PDXDC1: variants seen among roughly 807,000 people sequenced by gnomAD.
PDXDC1 encodes the protein pyridoxal-dependent decarboxylase domain-containing protein 1.
Under a neutral mutation model 100.1 loss-of-function variants are expected in PDXDC1, and 42 were observed. The ratio of observed to expected loss-of-function variants is 0.42; its 90% confidence interval spans 0.33 to 0.54. The LOEUF is 0.54. PDXDC1 is among the 20% of genes least tolerant of loss of function. The pLI is 0.10. For missense variants in PDXDC1, 636 were observed against 979.2 expected (o/e 0.65, Z 4.68); for synonymous variants, 260 against 371.7 (o/e 0.70, Z 3.46).
At chr16:15,094,157 G>A (rs780076230) in intron 16 of PDXDC1, 2 of 1,599,810 alleles carry the variant, frequency 1.3e-6, no homozygotes, top group Admixed American at 1.7e-5. Context: ...AGTCCTCGAC[G>A]CGCCCAGCTT....
chr16:15,093,945 T>A, intron 16 of PDXDC1: 1 of 603,896 alleles, frequency 1.7e-6, no homozygotes, highest in Non-Finnish European at 2.9e-6. Flanking sequence ...ACAGAGAACA[T>A]AGTCACTTTT....
intron 14 of PDXDC1, among the ~76,000 whole-genome samples, chr16:15,028,577 G>A (rs950490269): frequency 3.9e-5 from 6 of 152,296 alleles, no homozygotes; most frequent in African/African-American, 9.6e-5. Flanking sequence ...GACCTCGCAC[G>A]GTGCTTGGTA....
the PDXDC1 span, among the ~76,000 whole-genome samples, chr16:15,148,582 C>G: frequency 6.6e-6 from 1 of 151,156 alleles, no homozygotes; most frequent in Non-Finnish European, 1.5e-5. Flanking sequence ...CGGGGTCTCA[C>G]CCTGTTGCCC....
At chr16:15,128,166 G>C (rs559879546) in intron 16 of PDXDC1, 3 of 1,609,988 alleles carry the variant, frequency 1.9e-6, no homozygotes, top group Non-Finnish European at 1.7e-6. Flanking sequence ...GGTCAGGCTC[G>C]CAGGGCGCCC....
At chr16:14,990,576 A>G (rs1423125563) in intron 1 of PDXDC1, among the ~76,000 whole-genome samples, 4 of 152,284 alleles carry the variant, frequency 2.6e-5, no homozygotes, top group Admixed American at 1.3e-4. Flanking sequence ...AAACTGGATA[A>G]TACTTTATAT....
intron 8 of PDXDC1, among the ~76,000 whole-genome samples, chr16:15,015,621 G>A (rs2151486283): frequency 6.6e-6 from 1 of 152,364 alleles, no homozygotes; most frequent in Middle Eastern, 3.4e-3. Context: ...GGAGGCTGAG[G>A]CAAGGAGAAT....
At chr16:15,029,923 G>C in intron 15 of PDXDC1, 28 bp from the exon 16 acceptor site, 1 of 1,543,116 alleles carries the variant, frequency 6.5e-7, no homozygotes, top group Non-Finnish European at 8.8e-7. Context: ...CTTGTTACAG[G>C]AGGGTGTTCA....
At chr16:15,046,697 CAAAAAAAA>C (rs9331444) in intron 16 of PDXDC1, among the ~76,000 whole-genome samples, 9 of 43,620 alleles carry the variant, frequency 2.1e-4, no homozygotes, top group African/African-American at 6.8e-4. Context: ...CTGTCTCTAC[CAAAAAAAA>C]AAAAAAAAAA....
intron 1 of PDXDC1, among the ~76,000 whole-genome samples, chr16:14,987,478 A>G (rs1969643404): frequency 6.6e-6 from 1 of 152,302 alleles, no homozygotes; most frequent in African/African-American, 2.4e-5. Flanking sequence ...TAAGCAACCC[A>G]GTAAGTATTA....
intron 8 of PDXDC1, among the ~76,000 whole-genome samples, chr16:15,011,320 C>T (rs948640790): frequency 2.0e-5 from 3 of 152,274 alleles, no homozygotes; most frequent in Non-Finnish European, 4.4e-5. Flanking sequence ...CATCTTTTTC[C>T]ATCAGTGGTC....
intron 16 of PDXDC1, chr16:15,055,704 G>A: frequency 2.7e-6 from 1 of 375,088 alleles, no homozygotes; most frequent in Non-Finnish European, 4.7e-6. Context: ...CTCCGGGGCA[G>A]CCCGCTGAAG....
At chr16:15,038,476 GGGAAAGCAGCTAT>G, downstream of PDXDC1, 1 of 722,918 alleles carries the variant, frequency 1.4e-6, no homozygotes, top group South Asian at 1.8e-5. Context: ...ACCCGCCAAA[GGGAAAGCAGCTAT>G]GACCTGGTCT....
intron 1 of PDXDC1, among the ~76,000 whole-genome samples, chr16:14,979,934 A>G (rs997429261): frequency 6.6e-6 from 1 of 152,282 alleles, no homozygotes; most frequent in African/African-American, 2.4e-5. Context: ...CCACTCTTTT[A>G]TATAGAATGA....
In PDXDC1 at chr16:15,137,659, C is replaced by T. The variant is rs866095468; in HGVS notation, c.1400-1220C>T. 3.7e-5 allele frequency: 47 copies of T among 1,263,210 alleles called. No individual in the cohort carries two copies. In the Admixed American group the frequency reaches 5.1e-4, roughly 14 times the overall value. 78.3% of individuals were successfully genotyped at this position (1,263,210 alleles called of 1,614,324 possible). A position where few individuals can be genotyped will look rare whatever the true frequency, so the allele number is the denominator to read the frequency against. On this transcript the variant is annotated intron_variant, in intron 16 of 16. Transcript: ENST00000535621. ...TGTTCCCTTGGCCCGGAGCCCCCCC[C>T]CAGAGAGGCCTTCCTGAGCCCTGCC... is the stretch of plus-strand genomic sequence containing the variant.
chr16:15,128,053 G>A lies in PDXDC1; in HGVS notation c.1400-10826G>A, dbSNP rs1598215236. ...TGGCCTCCGTCTCCACCGAAAGCCAGTCATTGACCAGGAAGAAGGTGCTGT... is the reference window on the plus strand; with the variant it reads ...TGGCCTCCGTCTCCACCGAAAGCCAATCATTGACCAGGAAGAAGGTGCTGT... On this transcript the variant is annotated intron_variant, in intron 16 of 16. Transcript: ENST00000535621. 4 of 1,605,908 alleles carry A rather than the reference G, an allele frequency of 2.5e-6. No homozygotes were observed. In the East Asian group the frequency reaches 8.9e-5, roughly 36 times the overall value.
At chr16:15,093,048 G>A (rs2046200160) in intron 16 of PDXDC1, among the ~76,000 whole-genome samples, 2 of 151,946 alleles carry the variant, frequency 1.3e-5, no homozygotes, top group African/African-American at 4.8e-5. Flanking sequence ...CTGCTGCCCA[G>A]GCTGGAGTGC....
At chr16:14,984,497 T>TATATA (rs1221650484) in intron 1 of PDXDC1, among the ~76,000 whole-genome samples, 37 of 36,912 alleles carry the variant, frequency 1.0e-3, no homozygotes, top group South Asian at 9.7e-3. Flanking sequence ...ATATATATAT[T>TATATA]TTTTTTTTTT....
intron 16 of PDXDC1, chr16:15,080,241 G>A (rs2045641949): frequency 1.8e-6 from 2 of 1,089,314 alleles, no homozygotes; most frequent in African/African-American, 3.2e-5. Flanking sequence ...AAACTATACT[G>A]TTTCTACATG....
At chr16:15,047,393 C>T (rs751711656) in intron 16 of PDXDC1, 16 of 1,220,582 alleles carry the variant, frequency 1.3e-5, no homozygotes, top group Admixed American at 3.4e-5. Context: ...GTCCTGTATG[C>T]GACGGTTCCA....
Sources: gnomAD v4.1 joint callset for allele counts (sites outside exome capture counted in the v4.1 genomes callset) on GRCh38, gnomAD v4.1.1 for gene constraint, MANE v1.5 for transcripts, NCBI Gene and HGNC (gene_info 2026-07-23, HGNC 2026-07-21) for gene names.